The following CFAP299 variants were observed in gnomAD, a reference collection of about 807,000 sequenced individuals.
CFAP299 encodes cilia- and flagella-associated protein 299.
CFAP299 carries 21 observed loss-of-function variants against 27.0 expected under a neutral mutation model. The observed-to-expected ratio is 0.78, with a 90% CI of 0.55 to 1.12. CFAP299 has a LOEUF of 1.12. Ranked by LOEUF, CFAP299 falls within the 50% of genes most tolerant of loss-of-function variation. The probability of loss-of-function intolerance (pLI) is 0.00; values close to 1 mark genes in which losing one functional copy is unlikely to be tolerated. For synonymous variants in CFAP299, 104 were observed against 98.1 expected, an observed-to-expected ratio of 1.06 and a Z score of -0.36; for missense variants, 310 against 276.6, an observed-to-expected ratio of 1.12 and a Z score of -0.86.
chr4:80,387,894 G>A (rs546793219), intron 2 of CFAP299: 23 of 969,982 alleles, frequency 2.4e-5, no homozygotes, highest in Middle Eastern at 2.1e-4. Context: ...AGATGGCCAC[G>A]GTGCCCCCGG....
chr4:80,683,569 A>G (rs1003999526), intron 3 of CFAP299, among the ~76,000 whole-genome samples: 7 of 152,098 alleles, frequency 4.6e-5, no homozygotes, highest in Non-Finnish European at 1.0e-4. Flanking sequence ...TCTCTTGCAC[A>G]TATTTATTTT....
rs1312527170 is a variant in CFAP299 at position 80,849,612 on chromosome 4, A to G, written c.334-20381A>G. Among the ~76,000 whole-genome samples the G allele has an allele frequency of 2.6e-5, 4 of 152,182 alleles. No individual in the cohort carries two copies. The East Asian group carries it at 7.7e-4, about 29-fold the overall frequency. Reference sequence around the variant, plus strand: ...AATTTTGAGGGGATTAGTGATAGGTACATAGAAAATCAAGAGAGTAAGCCT... The same window carrying G: ...AATTTTGAGGGGATTAGTGATAGGTGCATAGAAAATCAAGAGAGTAAGCCT... On this transcript the variant is annotated intron_variant, in intron 3 of 5. Coordinates refer to ENST00000358105, the MANE Select transcript of CFAP299 (RefSeq NM_152770.3).
intron 3 of CFAP299, among the ~76,000 whole-genome samples, chr4:80,597,628 A>G (rs1434526971): frequency 3.9e-5 from 6 of 152,170 alleles, no homozygotes; most frequent in East Asian, 1.9e-4. Flanking sequence ...ATATATTCCT[A>G]TGTTATAGTC....
At chr4:80,491,805 CT>C (rs1183680615) in intron 2 of CFAP299, among the ~76,000 whole-genome samples, 1 of 152,118 alleles carries the variant, frequency 6.6e-6, no homozygotes, top group Non-Finnish European at 1.5e-5. Context: ...AAACATGTTT[CT>C]TTGCCATATT....
intron 2 of CFAP299, among the ~76,000 whole-genome samples, chr4:80,509,660 A>T (rs1732200038): frequency 6.6e-6 from 1 of 152,206 alleles, no homozygotes. Context: ...ACTATTCATT[A>T]GGGAAATATA....
intron 3 of CFAP299, among the ~76,000 whole-genome samples, chr4:80,717,042 T>C (rs913169250): frequency 1.3e-5 from 2 of 152,208 alleles, no homozygotes; most frequent in East Asian, 1.9e-4. Context: ...TAATATTTAT[T>C]GAGTAACCAA....
intron 3 of CFAP299, among the ~76,000 whole-genome samples, chr4:80,774,701 A>C (rs548850449): frequency 6.6e-6 from 1 of 152,064 alleles, no homozygotes; most frequent in East Asian, 1.9e-4. Context: ...TGTTGGCAAA[A>C]TTAGTAATGT....
At chr4:80,637,993 T>G (rs148216336) in intron 3 of CFAP299, among the ~76,000 whole-genome samples, 191 of 152,352 alleles carry the variant, frequency 1.3e-3, no homozygotes, top group African/African-American at 4.3e-3. Flanking sequence ...TTTATTAACT[T>G]TCTACATGTA....
intron 1 of CFAP299, among the ~76,000 whole-genome samples, chr4:80,349,551 G>A (rs963176979): frequency 6.6e-6 from 1 of 151,994 alleles, no homozygotes; most frequent in Non-Finnish European, 1.5e-5. Context: ...CTTATGAACT[G>A]GATGAAAGAA....
chr4:80,799,869 T>C (rs1728271079), intron 3 of CFAP299, among the ~76,000 whole-genome samples: 1 of 32,748 alleles, frequency 3.1e-5, no homozygotes, highest in South Asian at 1.1e-3. Context: ...ATATATTATA[T>C]ATATTATATT....
At chr4:80,734,132 A>G (rs1723710413) in intron 3 of CFAP299, among the ~76,000 whole-genome samples, 2 of 152,058 alleles carry the variant, frequency 1.3e-5, no homozygotes, top group South Asian at 2.1e-4. Context: ...AGCATTTCCT[A>G]TTGCCTGACT....
intron 2 of CFAP299, among the ~76,000 whole-genome samples, chr4:80,406,515 CCA>C: frequency 6.6e-6 from 1 of 152,106 alleles, no homozygotes; most frequent in Non-Finnish European, 1.5e-5. Context: ...TAGGCTCATG[CCA>C]CCACACCCAG....
chr4:80,558,358 G>T (rs71631338), intron 2 of CFAP299, among the ~76,000 whole-genome samples: 29,654 of 120,210 alleles, frequency 0.25, 5,075 homozygotes, highest in African/African-American at 0.46. Context: ...TTGTTTGTTT[G>T]TTTGTTTGTT....
intron 3 of CFAP299, among the ~76,000 whole-genome samples, chr4:80,654,784 CTTTTTT>C (rs369680550): frequency 3.9e-5 from 5 of 126,792 alleles, no homozygotes; most frequent in African/African-American, 1.4e-4. Context: ...TAATTTTTAA[CTTTTTT>C]TTTTTTTTTT....
At chr4:80,871,169 A>T in intron 4 of CFAP299, 1 of 968,626 alleles carries the variant, frequency 1.0e-6, no homozygotes, top group Non-Finnish European at 1.2e-6. Context: ...AGCCTCCCAA[A>T]GTGCTGGGAT....
intron 2 of CFAP299, among the ~76,000 whole-genome samples, chr4:80,407,056 G>A (rs1726466578): frequency 6.6e-6 from 1 of 151,944 alleles, no homozygotes. Flanking sequence ...TAGCTATGCT[G>A]CCTAATAGTA....
At chr4:80,500,192 C>T (rs1273270075) in intron 2 of CFAP299, among the ~76,000 whole-genome samples, 1 of 152,026 alleles carries the variant, frequency 6.6e-6, no homozygotes, top group Non-Finnish European at 1.5e-5. Flanking sequence ...TGCTATTCTA[C>T]CTAGTCTCTC....
intron 2 of CFAP299, among the ~76,000 whole-genome samples, chr4:80,509,600 A>T (rs1172381338): frequency 6.6e-6 from 1 of 152,202 alleles, no homozygotes; most frequent in African/African-American, 2.4e-5. Context: ...TATTTCTGAA[A>T]CATAGTAACT....
intron 3 of CFAP299, among the ~76,000 whole-genome samples, chr4:80,744,833 A>G (rs1724492235): frequency 6.6e-6 from 1 of 152,116 alleles, no homozygotes; most frequent in South Asian, 2.1e-4. Context: ...GTTATGCAAA[A>G]TGATATTTAA....
Sources: gnomAD v4.1 joint callset for allele counts (sites outside exome capture counted in the v4.1 genomes callset) on GRCh38, gnomAD v4.1.1 for gene constraint, MANE v1.5 for transcripts, NCBI Gene and HGNC (gene_info 2026-07-23, HGNC 2026-07-21) for gene names.